Variants in VAV2 observed in about 807,000 individuals in gnomAD.
VAV2 encodes guanine nucleotide exchange factor VAV2.
Under a neutral mutation model 132.5 loss-of-function variants are expected in VAV2, and 67 were observed. That is an observed-to-expected ratio of 0.51 (90% CI 0.42 to 0.62). The LOEUF (loss-of-function observed/expected upper bound fraction) is 0.62. Among genes scored for constraint, VAV2 ranks in the 20% least tolerant of loss-of-function variants. The probability of loss-of-function intolerance (pLI) is 0.00; values close to 1 mark genes in which losing one functional copy is unlikely to be tolerated. For synonymous variants in VAV2, 492 were observed against 443.5 expected (o/e 1.11, Z -1.37); for missense variants, 938 against 1,153.6 (o/e 0.81, Z 2.71).
intron 4 of VAV2, among the ~76,000 whole-genome samples, chr9:133,818,365 C>CA (rs34171114): frequency 0.043 from 4,259 of 99,566 alleles, 97 homozygotes; most frequent in Non-Finnish European, 0.067. Context: ...GACTCCATCT[C>CA]AAAAAAAAAA....
chr9:133,960,103 G>A (rs565894859), intron 1 of VAV2, among the ~76,000 whole-genome samples: 84 of 152,304 alleles, frequency 5.5e-4, no homozygotes, highest in Non-Finnish European at 1.1e-3. Flanking sequence ...CCCCTGCCCC[G>A]GGGCTACCGC....
intron 1 of VAV2, among the ~76,000 whole-genome samples, chr9:133,983,047 G>A (rs926603029): frequency 1.3e-5 from 2 of 152,184 alleles, no homozygotes; most frequent in Non-Finnish European, 2.9e-5. Context: ...TGGCCGGGCT[G>A]GGACACCGGC....
At chr9:133,808,204 G>A (rs1353368980) in intron 7 of VAV2, among the ~76,000 whole-genome samples, 1 of 152,328 alleles carries the variant, frequency 6.6e-6, no homozygotes, top group East Asian at 1.9e-4. Context: ...GGGCTTCGAG[G>A]GAACTGGAAG....
intron 1 of VAV2, among the ~76,000 whole-genome samples, chr9:133,948,944 G>C (rs1841463603): frequency 6.6e-6 from 1 of 152,202 alleles, no homozygotes; most frequent in South Asian, 2.1e-4. Context: ...CCACGGCATA[G>C]GCAAGAGGCA....
intron 1 of VAV2, among the ~76,000 whole-genome samples, chr9:133,971,597 C>T (rs945751433): frequency 4.6e-5 from 7 of 152,200 alleles, no homozygotes; most frequent in Non-Finnish European, 8.8e-5. Flanking sequence ...CCCAGGCCAC[C>T]CATTTCATAC....
intron 2 of VAV2, among the ~76,000 whole-genome samples, chr9:133,901,523 T>C (rs909970394): frequency 3.9e-5 from 6 of 152,214 alleles, no homozygotes; most frequent in African/African-American, 1.2e-4. Flanking sequence ...TCATGAGGCC[T>C]AGAAGCTTCC....
intron 2 of VAV2, among the ~76,000 whole-genome samples, chr9:133,905,337 G>T (rs1467981636): frequency 6.6e-6 from 1 of 150,418 alleles, no homozygotes; most frequent in Admixed American, 6.6e-5. Context: ...TCGGGAGGCT[G>T]AGGCAGGAGA....
At chr9:133,921,329 T>G (rs1368596457) in intron 2 of VAV2, among the ~76,000 whole-genome samples, 4 of 152,218 alleles carry the variant, frequency 2.6e-5, no homozygotes, top group African/African-American at 9.6e-5. Context: ...ATGAATGGCT[T>G]CTTCTTCAGA....
At chr9:133,855,845 C>T (rs1459903337) in intron 3 of VAV2, among the ~76,000 whole-genome samples, 2 of 152,220 alleles carry the variant, frequency 1.3e-5, no homozygotes, top group African/African-American at 4.8e-5. Flanking sequence ...TGACCCCTGT[C>T]CCCTGCCTTG....
At chr9:133,975,328 A>C (rs966136649) in intron 1 of VAV2, among the ~76,000 whole-genome samples, 1 of 152,090 alleles carries the variant, frequency 6.6e-6, no homozygotes, top group Non-Finnish European at 1.5e-5. Context: ...TGCTGGGTCA[A>C]TGTTATCTGC....
chr9:133,819,107 C>A (rs1304276839), intron 4 of VAV2, among the ~76,000 whole-genome samples: 2 of 151,918 alleles, frequency 1.3e-5, no homozygotes, highest in Non-Finnish European at 2.9e-5. Context: ...CACACGGGCT[C>A]ATTCTTCATG....
At chr9:133,815,249 A>C (rs1362395385) in intron 4 of VAV2, among the ~76,000 whole-genome samples, 1 of 152,044 alleles carries the variant, frequency 6.6e-6, no homozygotes, top group Non-Finnish European at 1.5e-5. Context: ...GGATCTAGGT[A>C]CAAGTCCACG....
chr9:133,828,724 C>T (rs1450311320), intron 4 of VAV2, among the ~76,000 whole-genome samples: 3 of 152,206 alleles, frequency 2.0e-5, no homozygotes, highest in Admixed American at 6.5e-5. Context: ...AATTCTGATT[C>T]GTTACAAACA....
In VAV2 at chr9:133,826,771, A is replaced by G. The variant is rs906504365; in HGVS notation, c.449+7501T>C. On this transcript the variant is annotated intron_variant, in intron 4 of 29. Coordinates refer to ENST00000371850, the MANE Select transcript of VAV2 (RefSeq NM_001134398.2). The surrounding 1 kb of genome is among the most constrained non-coding windows in gnomAD (Gnocchi z 4.2). ...CTCCCGTGTCCCTTCAATTCCCCTA[A>G]GAATTCTCGGGGACCTCTGACCTGC... Among the ~76,000 whole-genome samples, 5 of 152,064 alleles carry G rather than the reference A, an allele frequency of 3.3e-5. No individual in the cohort carries two copies. The highest frequency in any genetic ancestry group is 2.0e-4 in the Admixed American group (3 of 15,272).
chr9:133,977,098 C>T (rs946644172), intron 1 of VAV2, among the ~76,000 whole-genome samples: 11 of 152,306 alleles, frequency 7.2e-5, no homozygotes, highest in East Asian at 1.9e-4. Flanking sequence ...GCCCAGGCCA[C>T]GCCCAGCCGC....
At chr9:133,791,762 T>C (rs1834471312) in intron 13 of VAV2, 21 bp downstream of exon 13, 1 of 1,608,160 alleles carries the variant, frequency 6.2e-7, no homozygotes, top group African/African-American at 1.3e-5. Context: ...TTCCCTAGCC[T>C]GAAGAGTCAG....
At chr9:133,951,555 G>A (rs1841561024) in intron 1 of VAV2, among the ~76,000 whole-genome samples, 1 of 152,088 alleles carries the variant, frequency 6.6e-6, no homozygotes, top group Non-Finnish European at 1.5e-5. Context: ...CCCATATGTG[G>A]GAGCTGGGAG....
chr9:133,818,686 C>T (rs10993811), intron 4 of VAV2, among the ~76,000 whole-genome samples: 32,004 of 152,106 alleles, frequency 0.21, 4,231 homozygotes, highest in African/African-American at 0.37. Flanking sequence ...ATAAATCCCC[C>T]CAGCCATCTA....
intron 26 of VAV2, 33 bp downstream of exon 26, chr9:133,771,926 G>A (rs954890569): frequency 3.7e-6 from 6 of 1,600,280 alleles, no homozygotes; most frequent in Non-Finnish European, 4.3e-6. Context: ...CTGTGGCTGG[G>A]GTGGGAGCCG....
Sources: allele counts gnomAD v4.1 joint callset (sites outside exome capture counted in the v4.1 genomes callset), GRCh38; gene constraint gnomAD v4.1.1; non-coding constraint Gnocchi (gnomAD v3.1); transcripts MANE v1.5; gene names NCBI Gene and HGNC (gene_info 2026-07-23, HGNC 2026-07-21).